The following DNAH7 variants were observed in gnomAD, a reference collection of about 807,000 sequenced individuals.
The protein encoded by DNAH7 is axonemal beta dynein heavy chain 7.
A neutral mutation model predicts 444.6 loss-of-function variants in DNAH7; 397 were observed. The ratio of observed to expected loss-of-function variants is 0.89; its 90% CI spans 0.82 to 0.97. DNAH7 has a LOEUF of 0.97. DNAH7 is among the 50% of genes least tolerant of loss of function. The pLI is 0.00. For synonymous variants in DNAH7, 1,636 were observed against 1,624.4 expected, an observed-to-expected ratio of 1.01 and a Z score of -0.17; for missense variants, 4,902 against 4,800.8, an observed-to-expected ratio of 1.02 and a Z score of -0.62.
chr2:195,883,065 C>T (rs1196196502), intron 35 of DNAH7, among the ~76,000 whole-genome samples: 2 of 152,056 alleles, frequency 1.3e-5, no homozygotes, highest in African/African-American at 4.8e-5. Flanking sequence ...TTTCTAGAAC[C>T]AACGAAGAAA....
chr2:195,881,707 A>T, intron 36 of DNAH7, 88 bp downstream of exon 36: 1 of 1,380,070 alleles, frequency 7.2e-7, no homozygotes, highest in East Asian at 2.3e-5. Context: ...GTACTTGAGT[A>T]TTTTTAAAAA....
At chr2:195,858,936 T>TA (rs1432365281) in intron 42 of DNAH7, 132 bp from the exon 43 acceptor site, 1 of 687,086 alleles carries the variant, frequency 1.5e-6, no homozygotes, top group East Asian at 2.7e-5. Context: ...GATTTTCATA[T>TA]AAATGACAAT....
At chr2:195,865,705 T>C (rs1559161609) in intron 40 of DNAH7, among the ~76,000 whole-genome samples, 1 of 152,164 alleles carries the variant, frequency 6.6e-6, no homozygotes, top group Non-Finnish European at 1.5e-5. Context: ...TGGACTGAAT[T>C]GTGTCCCCCC....
At chr2:195,954,909 A>G (rs1330353943) in intron 19 of DNAH7, among the ~76,000 whole-genome samples, 2 of 152,128 alleles carry the variant, frequency 1.3e-5, no homozygotes, top group Non-Finnish European at 2.9e-5. Flanking sequence ...AGTTCTTTGT[A>G]GAATCTGGAT....
intron 10 of DNAH7, among the ~76,000 whole-genome samples, chr2:196,005,316 A>G (rs35088061): frequency 0.014 from 2,087 of 151,538 alleles, 55 homozygotes; most frequent in African/African-American, 0.048. Context: ...AAATATATAT[A>G]TATATATAAC....
chr2:195,872,117 A>G, intron 40 of DNAH7, 133 bp downstream of exon 40: 3 of 687,756 alleles, frequency 4.4e-6, no homozygotes, highest in Non-Finnish European at 7.1e-6. Context: ...TTTTCTGAAC[A>G]CTGGCCTTCA....
chr2:196,052,794 G>A (rs1170895812), intron 2 of DNAH7, among the ~76,000 whole-genome samples: 1 of 152,242 alleles, frequency 6.6e-6, no homozygotes, highest in Admixed American at 6.5e-5. Flanking sequence ...GAGAAGGACA[G>A]CAAAGAGCTT....
intron 10 of DNAH7, among the ~76,000 whole-genome samples, chr2:196,008,507 C>T (rs6741413): frequency 0.07 from 10,567 of 152,018 alleles, 499 homozygotes; most frequent in African/African-American, 0.13. Context: ...TGGAAACAAC[C>T]CAAATGTCCA....
At chr2:195,999,330 A>C in intron 12 of DNAH7, 1 of 661,140 alleles carries the variant, frequency 1.5e-6, no homozygotes, top group Non-Finnish European at 2.8e-6. Context: ...ATATTCGCAC[A>C]ACCAGTATTG....
At chr2:195,950,720 C>T (rs1204320620) in intron 19 of DNAH7, among the ~76,000 whole-genome samples, 1 of 151,404 alleles carries the variant, frequency 6.6e-6, no homozygotes, top group East Asian at 1.9e-4. Flanking sequence ...GGCGTGGTGG[C>T]GGGTGCCTGT....
rs375665386 is a variant in DNAH7 at position 195,771,886 on chromosome 2, C to T, written c.11207G>A (p.Arg3736His). The T allele has an allele frequency of 2.6e-5, 42 of 1,613,766 alleles. No homozygotes were observed. Among genetic ancestry groups the T allele is most frequent in the Non-Finnish European group, 2.8e-5 (33 of 1,179,844 alleles). The change falls in exon 61 of 65, where the codon CGT becomes CAT. Residue 3736 changes from arginine to histidine, a missense_variant. Arg to His is a conservative substitution (Grantham distance 29). Transcript: ENST00000312428. ...LFDNILLTQS[R>H]SAGAGAKSSD... ...TGATTTTGCACCAGCACCTGCTGAA[C>T]GAGACTATGAAGAATCCAAACTATA... is the stretch of plus-strand genomic sequence containing the variant.
chr2:195,780,518 G>C (rs556648546), intron 58 of DNAH7, among the ~76,000 whole-genome samples: 24 of 152,238 alleles, frequency 1.6e-4, no homozygotes, highest in South Asian at 1.2e-3. Flanking sequence ...GGAGGCCGAG[G>C]CAGGTAGATC....
chr2:196,005,269 A>G (rs982409802), intron 10 of DNAH7, among the ~76,000 whole-genome samples: 2 of 150,758 alleles, frequency 1.3e-5, no homozygotes, highest in Admixed American at 6.6e-5. Flanking sequence ...GCAAGACTCC[A>G]TCTCCAAAAC....
At chr2:195,766,167 ATT>A (rs755912873) in intron 61 of DNAH7, among the ~76,000 whole-genome samples, 1,190 of 57,266 alleles carry the variant, frequency 0.021, 17 homozygotes, top group African/African-American at 0.064. Flanking sequence ...GTGGGAGCTA[ATT>A]TTTTTTTTTT....
rs776277841 is a variant in DNAH7, at chr2:195,907,016, G to T, written c.4105-7C>A. On this transcript the variant is annotated splice_polypyrimidine_tract_variant and splice_region_variant and intron_variant, in intron 25 of 64. Transcript: ENST00000312428. ...CTCCACAAGATAACAGTCCCTATGA[G>T]AAAAGAGTAATGAAAATTTTTGACT... 1 of 1,600,522 alleles carries T rather than the reference G, an allele frequency of 6.2e-7. No individual in the cohort carries two copies. The highest frequency in any genetic ancestry group is 8.5e-7 in the Non-Finnish European group (1 of 1,174,346).
chr2:195,769,165 T>C (rs1694726122), intron 61 of DNAH7, among the ~76,000 whole-genome samples: 2 of 152,130 alleles, frequency 1.3e-5, no homozygotes, highest in African/African-American at 2.4e-5. Flanking sequence ...AAGTAGTTCA[T>C]ATGAGTTGGG....
intron 15 of DNAH7, among the ~76,000 whole-genome samples, chr2:195,980,168 A>G (rs1692478828): frequency 6.6e-6 from 1 of 151,296 alleles, no homozygotes; most frequent in Admixed American, 6.6e-5. Context: ...GCCATGTGTC[A>G]TGGGAGGGAC....
chr2:195,753,061 T>A (rs1378846039), intron 63 of DNAH7, among the ~76,000 whole-genome samples: 1 of 152,158 alleles, frequency 6.6e-6, no homozygotes, highest in African/African-American at 2.4e-5. Context: ...ACAAGAAGTA[T>A]CTACTAGTAA....
chr2:195,750,872 A>G (rs958842069), intron 63 of DNAH7, among the ~76,000 whole-genome samples: 1 of 152,210 alleles, frequency 6.6e-6, no homozygotes, highest in Non-Finnish European at 1.5e-5. Flanking sequence ...TCCATTGCCA[A>G]ATACTTAATT....
Sources: allele counts gnomAD v4.1 joint callset (sites outside exome capture counted in the v4.1 genomes callset), GRCh38; gene constraint gnomAD v4.1.1; transcripts MANE v1.5; gene names NCBI Gene and HGNC (gene_info 2026-07-23, HGNC 2026-07-21).